The following STOM variants were observed in gnomAD, a reference collection of about 807,000 sequenced individuals.
The protein encoded by STOM is stomatin.
In STOM, 25 loss-of-function variants were observed where a neutral mutation model predicts 30.6. The ratio of observed to expected loss-of-function variants is 0.82; its 90% CI spans 0.60 to 1.14. STOM has a LOEUF of 1.14. STOM is among the 50% of genes most tolerant of loss of function. The pLI, the probability that STOM is intolerant of heterozygous loss-of-function variation, is 0.00. For missense variants in STOM, 292 were observed against 365.2 expected (o/e 0.80, Z 1.63); for synonymous variants, 118 against 130.8 (o/e 0.90, Z 0.67).
chr9:121,356,068 T>A lies in STOM; in HGVS notation c.150A>T (p.Ile50=). 6.2e-7 allele frequency: 1 copy of A among 1,614,058 alleles called. No individual in the cohort carries two copies. The highest frequency in any genetic ancestry group is 8.5e-7 in the Non-Finnish European group (1 of 1,179,948). Residue 50 remains isoleucine, a synonymous_variant, in exon 2 of 7, where the codon ATA becomes ATT. Transcript: ENST00000286713. ...LFTVITFPIS[I]WMCIKIIKEY... Reference sequence around the variant, plus strand: ...TGTTCTTTACCTTTATGCACATCCATATTGAGATTGGGAAAGTTATAACGG... The same window carrying A: ...TGTTCTTTACCTTTATGCACATCCAAATTGAGATTGGGAAAGTTATAACGG...
intron 1 of STOM, among the ~76,000 whole-genome samples, chr9:121,367,888 T>G (rs1315012310): frequency 6.6e-6 from 1 of 152,232 alleles, no homozygotes. Context: ...GGAAAATGAT[T>G]CAGAAAATCA....
chr9:121,347,459 A>G (rs898738565), intron 6 of STOM, among the ~76,000 whole-genome samples: 2 of 152,236 alleles, frequency 1.3e-5, no homozygotes, highest in Non-Finnish European at 2.9e-5. Flanking sequence ...ATGTCAAAGT[A>G]AGAGAATATA....
rs1220682966 is a variant in STOM at position 121,356,058 on chromosome 9, T to C, written c.160A>G (p.Ile54Val). 1 of 1,613,812 alleles carries C rather than the reference T, an allele frequency of 6.2e-7. No homozygotes were observed. The highest frequency in any genetic ancestry group is 1.3e-5 in the African/African-American group (1 of 74,916). Residue 54 changes from isoleucine (I) to valine (V), a missense_variant, in exon 2 of 7, where the codon ATA (isoleucine) becomes GTA (valine). Transcript: ENST00000286713. ...GTGAATGAAATGTTCTTTACCTTTATGCACATCCATATTGAGATTGGGAAA... is the reference window on the plus strand; with the variant it reads ...GTGAATGAAATGTTCTTTACCTTTACGCACATCCATATTGAGATTGGGAAA... ...ITFPISIWMC[I>V]KIIKEYERAI...
rs2064234727 is a variant in STOM at position 121,340,308 on chromosome 9, C to G, written c.*894G>C. On this transcript the variant is annotated 3_prime_UTR_variant, in exon 7 of 7. Coordinates refer to ENST00000286713, the MANE Select transcript of STOM (RefSeq NM_004099.6). ...AAAGTCTTTTAAGGGTTAGAGTAAT[C>G]TTTTTCATTAGTCTTGGCTATTTCC... 1.0e-6 allele frequency: 1 copy of G among 985,270 alleles called. No individual in the cohort carries two copies. The highest frequency in any genetic ancestry group is 6.2e-5 in the Admixed American group (1 of 16,250). The allele number at this position is 985,270 out of a possible 1,614,324, so 61.0% of individuals were successfully genotyped here. A position where few individuals can be genotyped will look rare whatever the true frequency, so the allele number is the denominator to read the frequency against.
At position 121,349,094 on chromosome 9, in the gene STOM, G is replaced by C. The variant is rs763954308; in HGVS notation, c.525+26C>G. 5 of 1,606,646 alleles carry C rather than the reference G, an allele frequency of 3.1e-6. No homozygotes were observed. In the East Asian group the frequency reaches 1.1e-4, roughly 36 times the overall value. On this transcript the variant is annotated intron_variant, in intron 5 of 6. Transcript: ENST00000286713. ...TTGCTTCATTTTTCAGCTTCTGGGGGGTAACAGCATTGACGTACTCCCCAC... is the reference window on the plus strand; with the variant it reads ...TTGCTTCATTTTTCAGCTTCTGGGGCGTAACAGCATTGACGTACTCCCCAC...
chr9:121,368,343 T>C (rs1013801024), intron 1 of STOM, among the ~76,000 whole-genome samples: 2 of 152,200 alleles, frequency 1.3e-5, no homozygotes, highest in African/African-American at 4.8e-5. Flanking sequence ...ATGTTGATTC[T>C]CAAAGAACTC....
intron 4 of STOM, among the ~76,000 whole-genome samples, chr9:121,351,646 A>T (rs2064340670): frequency 6.6e-6 from 1 of 152,270 alleles, no homozygotes; most frequent in Admixed American, 6.5e-5. Flanking sequence ...GAGGGAGCTC[A>T]TGTACAATGC....
At position 121,340,141 on chromosome 9, in the gene STOM, C is replaced by T; in HGVS notation, c.*1061G>A. The T allele has an allele frequency of 1.0e-6, 1 of 985,000 alleles. No individual in the cohort carries two copies. The highest frequency in any genetic ancestry group is 1.2e-6 in the Non-Finnish European group (1 of 829,722). The allele number at this position is 985,000 out of a possible 1,614,324, so 61.0% of individuals were successfully genotyped here. ...AAACCTGATATATGAAAATAGGCAA[C>T]AGTGAGAAAAAAGCACTTTTGTGAC... On this transcript the variant is annotated 3_prime_UTR_variant, in exon 7 of 7. Transcript: ENST00000286713.
At chr9:121,353,194 C>A in intron 4 of STOM, 26 bp downstream of exon 4, 1 of 1,441,660 alleles carries the variant, frequency 6.9e-7, no homozygotes, top group Non-Finnish European at 9.7e-7. Context: ...ACATATGATA[C>A]CTCAGTTATT....
chr9:121,362,722 CT>C (rs1564632761), intron 1 of STOM, among the ~76,000 whole-genome samples: 1 of 152,158 alleles, frequency 6.6e-6, no homozygotes, highest in Non-Finnish European at 1.5e-5. Context: ...TTACAAAAAT[CT>C]GTGAAGTAGG....
chr9:121,366,921 T>TAA (rs769311927), intron 1 of STOM, among the ~76,000 whole-genome samples: 1 of 139,056 alleles, frequency 7.2e-6, no homozygotes, highest in African/African-American at 2.7e-5. Flanking sequence ...GACCCTGAGT[T>TAA]AAAAAAAAAA....
Position 121,340,263 on chromosome 9 carries a change from C to T in STOM, c.*939G>A. The T allele has an allele frequency of 1.0e-6, 1 of 985,260 alleles. No individual in the cohort carries two copies. The allele number at this position is 985,260 out of a possible 1,614,324, so 61.0% of individuals were successfully genotyped here. On this transcript the variant is annotated 3_prime_UTR_variant, in exon 7 of 7. Coordinates refer to ENST00000286713, the MANE Select transcript of STOM (RefSeq NM_004099.6). ...AAACATGGATGTATTTTTAAAATGA[C>T]CACTCTAGTAGTGAATTTAAAAGTC...
intron 4 of STOM, among the ~76,000 whole-genome samples, 154 bp from the exon 5 acceptor site, chr9:121,349,477 T>A (rs2064319765): frequency 6.6e-6 from 1 of 152,224 alleles, no homozygotes; most frequent in East Asian, 1.9e-4. Flanking sequence ...TTTAATAAAA[T>A]AAATTATTCA....
At chr9:121,352,833 G>A (rs2064350660) in intron 4 of STOM, among the ~76,000 whole-genome samples, 4 of 152,196 alleles carry the variant, frequency 2.6e-5, no homozygotes, top group African/African-American at 9.7e-5. Flanking sequence ...GGTGGCTCAT[G>A]CCTGTAATCC....
Position 121,340,073 on chromosome 9 carries a change from A to G in STOM, c.*1129T>C, listed in dbSNP as rs1490500898. ...TCAAATAGATATATAACAATTGCAT[A>G]TAGAACGTAGAGAAAATTTTATTAA... On this transcript the variant is annotated 3_prime_UTR_variant, in exon 7 of 7. Transcript: ENST00000286713. 2 of 973,726 alleles carry G rather than the reference A, an allele frequency of 2.1e-6. No individual in the cohort carries two copies. Among genetic ancestry groups the G allele is most frequent in the Non-Finnish European group, 2.4e-6 (2 of 819,282 alleles). 60.3% of individuals were successfully genotyped at this position (973,726 alleles called of 1,614,324 possible).
At chr9:121,355,991 C>A (rs1373939523) in intron 2 of STOM, 62 bp downstream of exon 2, 7 of 1,277,980 alleles carry the variant, frequency 5.5e-6, no homozygotes, top group South Asian at 5.0e-5. Context: ...CAGGCACACA[C>A]GAAGTAGGTT....
At chr9:121,346,742 G>A (rs1182689384) in intron 6 of STOM, among the ~76,000 whole-genome samples, 1 of 152,126 alleles carries the variant, frequency 6.6e-6, no homozygotes, top group Non-Finnish European at 1.5e-5. Flanking sequence ...CATCATACCA[G>A]GAAAACCTAA....
chr9:121,356,314 A>C (rs748563502), intron 1 of STOM, among the ~76,000 whole-genome samples, 158 bp from the exon 2 acceptor site: 1 of 152,234 alleles, frequency 6.6e-6, no homozygotes, highest in Non-Finnish European at 1.5e-5. Context: ...CTGAAGTGTA[A>C]GTACTACTTT....
chr9:121,356,198 A>G (rs765320665), intron 1 of STOM, 42 bp from the exon 2 acceptor site: 1 of 1,521,896 alleles, frequency 6.6e-7, no homozygotes, highest in Non-Finnish European at 9.1e-7. Flanking sequence ...AACTGTTACT[A>G]GCATAATCAC....
Sources: allele counts gnomAD v4.1 joint callset (sites outside exome capture counted in the v4.1 genomes callset), GRCh38; gene constraint gnomAD v4.1.1; transcripts MANE v1.5; gene names NCBI Gene and HGNC (gene_info 2026-07-23, HGNC 2026-07-21).